The following ZNF385B variants were observed in gnomAD, a reference collection of about 807,000 sequenced individuals.
The protein encoded by ZNF385B is zinc finger protein 533.
ZNF385B carries 23 observed loss-of-function variants against 39.2 expected under a neutral mutation model. That is an observed-to-expected ratio of 0.59 (90% confidence interval 0.42 to 0.83). The LOEUF (loss-of-function observed/expected upper bound fraction) is 0.83. ZNF385B is among the 40% of genes least tolerant of loss of function. The probability of loss-of-function intolerance (pLI) is 0.00; values close to 1 mark genes in which losing one functional copy is unlikely to be tolerated. For synonymous variants in ZNF385B, 205 were observed against 222.6 expected, an observed-to-expected ratio of 0.92 and a Z score of 0.70; for missense variants, 552 against 598.9, an observed-to-expected ratio of 0.92 and a Z score of 0.82.
At chr2:179,556,243 T>C (rs778628043) in intron 3 of ZNF385B, among the ~76,000 whole-genome samples, 5 of 149,496 alleles carry the variant, frequency 3.3e-5, no homozygotes, top group Admixed American at 6.7e-5. Context: ...GTACAAACTA[T>C]AGTTTCGTCA....
At chr2:179,570,862 C>A (rs17817196) in intron 3 of ZNF385B, among the ~76,000 whole-genome samples, 2 of 152,052 alleles carry the variant, frequency 1.3e-5, no homozygotes, top group South Asian at 4.1e-4. Context: ...GTGATTCAAA[C>A]GGATTAAAAA....
At chr2:179,491,292 G>T (rs958665346) in intron 5 of ZNF385B, among the ~76,000 whole-genome samples, 3 of 152,064 alleles carry the variant, frequency 2.0e-5, no homozygotes, top group Admixed American at 6.6e-5. Context: ...TTTCTAAGAG[G>T]TATATTTACT....
At chr2:179,711,011 T>C (rs1699960501) in intron 3 of ZNF385B, among the ~76,000 whole-genome samples, 1 of 152,232 alleles carries the variant, frequency 6.6e-6, no homozygotes, top group South Asian at 2.1e-4. Context: ...AAGTTAATGT[T>C]ACCCCCACTG....
chr2:179,802,442 T>C (rs1706093109), intron 1 of ZNF385B: 1 of 152,126 alleles, frequency 6.6e-6, no homozygotes, highest in Non-Finnish European at 1.5e-5. Context: ...AGGGCTATTT[T>C]AGATAATAAT....
At chr2:179,443,573 A>G (rs1487429166) in intron 9 of ZNF385B, 105 bp from the exon 10 acceptor site, 3 of 899,086 alleles carry the variant, frequency 3.3e-6, no homozygotes, top group Admixed American at 4.6e-5. Context: ...GAAGTCTTAA[A>G]TTTTGAAAAT....
intron 3 of ZNF385B, among the ~76,000 whole-genome samples, chr2:179,594,475 T>C (rs1465580078): frequency 1.3e-5 from 2 of 152,192 alleles, no homozygotes; most frequent in African/African-American, 4.8e-5. Context: ...ACTACTGATT[T>C]CTACTCTTCT....
intron 4 of ZNF385B, among the ~76,000 whole-genome samples, chr2:179,541,734 T>C (rs1463437264): frequency 1.3e-5 from 2 of 152,198 alleles, no homozygotes; most frequent in Non-Finnish European, 2.9e-5. Flanking sequence ...AGAGGTCTAT[T>C]ATACACATTC....
At chr2:179,782,348 G>A (rs1285683297) in intron 1 of ZNF385B, among the ~76,000 whole-genome samples, 1 of 152,042 alleles carries the variant, frequency 6.6e-6, no homozygotes, top group Admixed American at 6.6e-5. Flanking sequence ...AATAATAAGA[G>A]CCATCTATGA....
At chr2:179,768,482 T>C (rs117291658) in intron 3 of ZNF385B, among the ~76,000 whole-genome samples, 2 of 152,302 alleles carry the variant, frequency 1.3e-5, no homozygotes, top group East Asian at 1.9e-4. Flanking sequence ...GCTTGAAATA[T>C]AAAAATAATT....
chr2:179,698,567 T>A (rs1001405110), intron 3 of ZNF385B, among the ~76,000 whole-genome samples: 2 of 152,206 alleles, frequency 1.3e-5, no homozygotes, highest in Non-Finnish European at 2.9e-5. Flanking sequence ...TTGTGTAATA[T>A]ATTACCTAGA....
At chr2:179,660,926 A>G (rs1166804490) in intron 3 of ZNF385B, among the ~76,000 whole-genome samples, 4 of 152,228 alleles carry the variant, frequency 2.6e-5, no homozygotes, top group Non-Finnish European at 4.4e-5. Flanking sequence ...AATTGTTTTT[A>G]TATTATCCTC....
chr2:179,857,270 G>A (rs988212959), intron 1 of ZNF385B, among the ~76,000 whole-genome samples: 3 of 152,200 alleles, frequency 2.0e-5, no homozygotes, highest in Non-Finnish European at 4.4e-5. Context: ...GGCAGGCCCT[G>A]AGCTGGGTAT....
intron 1 of ZNF385B, among the ~76,000 whole-genome samples, chr2:179,787,609 C>T (rs1705080659): frequency 6.6e-6 from 1 of 152,144 alleles, no homozygotes; most frequent in Admixed American, 6.6e-5. Flanking sequence ...ATGAAAGCTT[C>T]TTGTTAGACA....
chr2:179,827,542 A>G (rs530756740), intron 1 of ZNF385B, among the ~76,000 whole-genome samples: 7 of 152,320 alleles, frequency 4.6e-5, no homozygotes, highest in South Asian at 4.1e-4. Context: ...TTTGAAAAAT[A>G]TAATTCTCAA....
At chr2:179,714,805 G>A (rs1466366267) in intron 3 of ZNF385B, among the ~76,000 whole-genome samples, 1 of 151,644 alleles carries the variant, frequency 6.6e-6, no homozygotes, top group Non-Finnish European at 1.5e-5. Flanking sequence ...AAAAAAATTA[G>A]CCAGATGTGG....
chr2:179,560,705 G>A (rs1399980389), intron 3 of ZNF385B, among the ~76,000 whole-genome samples: 2 of 151,774 alleles, frequency 1.3e-5, no homozygotes, highest in South Asian at 2.1e-4. Flanking sequence ...GTACATTTGC[G>A]TACCTGTCTG....
At position 179,511,634 on chromosome 2, in the gene ZNF385B, A is replaced by G. The variant is rs531534850; in HGVS notation, c.552+6894T>C. On this transcript the variant is annotated intron_variant, in intron 5 of 9. Transcript: ENST00000410066. The stretch of plus-strand genomic sequence containing the variant: ...CTGAAATCTTATAGAGATTTATAGT[A>G]AAGAGTAGCACAGTCAGGTCACCCA... Among the ~76,000 whole-genome samples, 287 of 152,292 alleles carry G rather than the reference A, an allele frequency of 1.9e-3. 1 individual carries two copies. Among genetic ancestry groups the G allele is most frequent in the African/African-American group, 6.6e-3 (275 of 41,560 alleles).
chr2:179,742,198 T>C (rs1009115685), intron 3 of ZNF385B, among the ~76,000 whole-genome samples: 3 of 152,140 alleles, frequency 2.0e-5, no homozygotes, highest in Non-Finnish European at 4.4e-5. Context: ...CAGTCCTTTA[T>C]TTCTTGACAC....
At chr2:179,861,064 C>A (rs572772485) in intron 1 of ZNF385B, 37 bp downstream of exon 1, 1 of 162,366 alleles carries the variant, frequency 6.2e-6, no homozygotes, top group African/African-American at 2.4e-5. Context: ...GCGCCCAGTC[C>A]GGGGGCGCCG....
Sources: gnomAD v4.1 joint callset for allele counts (sites outside exome capture counted in the v4.1 genomes callset) on GRCh38, gnomAD v4.1.1 for gene constraint, MANE v1.5 for transcripts, NCBI Gene and HGNC (gene_info 2026-07-23, HGNC 2026-07-21) for gene names.